EIF4G3: variants seen among roughly 807,000 people sequenced by gnomAD.
EIF4G3 encodes eukaryotic translation initiation factor 4 gamma 3.
Under a neutral mutation model 186.4 loss-of-function variants are expected in EIF4G3, and 34 were observed. The ratio of observed to expected loss-of-function variants is 0.18; its 90% CI spans 0.14 to 0.24. The LOEUF (loss-of-function observed/expected upper bound fraction) is 0.24. Among genes scored for constraint, EIF4G3 ranks in the 10% least tolerant of loss-of-function variants. EIF4G3 has a pLI of 1.00. For synonymous variants in EIF4G3, 673 were observed against 679.5 expected (o/e 0.99, Z 0.15); for missense variants, 1,536 against 1,948.5 (o/e 0.79, Z 3.99).
At chr1:20,856,612 C>CA (rs2074979739) in intron 25 of EIF4G3, among the ~76,000 whole-genome samples, 1 of 150,600 alleles carries the variant, frequency 6.6e-6, no homozygotes, top group Non-Finnish European at 1.5e-5. Flanking sequence ...GGAAAGCAGA[C>CA]AGAGTCTCTT....
intron 4 of EIF4G3, among the ~76,000 whole-genome samples, chr1:21,044,916 G>T (rs1322369697): frequency 6.6e-6 from 1 of 152,078 alleles, no homozygotes; most frequent in Non-Finnish European, 1.5e-5. Context: ...GACTGTATGA[G>T]GCCAGGATTT....
intron 2 of EIF4G3, among the ~76,000 whole-genome samples, chr1:21,097,900 C>T (rs967183151): frequency 1.3e-5 from 2 of 151,664 alleles, no homozygotes; most frequent in African/African-American, 4.8e-5. Context: ...TTGGATTAGG[C>T]CAAGAGTTCC....
intron 18 of EIF4G3, among the ~76,000 whole-genome samples, chr1:20,890,872 T>C (rs954322834): frequency 2.6e-5 from 4 of 152,234 alleles, no homozygotes; most frequent in African/African-American, 9.6e-5. Context: ...ATCTAGGAGA[T>C]AGGCTGGAAG....
At chr1:21,122,034 C>T (rs2096934399) in intron 2 of EIF4G3, among the ~76,000 whole-genome samples, 1 of 152,118 alleles carries the variant, frequency 6.6e-6, no homozygotes, top group Admixed American at 6.6e-5. Context: ...GTTCGCACAC[C>T]TGGTGAGAGT....
At chr1:21,065,631 T>C (rs1392744626) in intron 3 of EIF4G3, among the ~76,000 whole-genome samples, 3 of 152,084 alleles carry the variant, frequency 2.0e-5, no homozygotes, top group Admixed American at 6.6e-5. Context: ...AGACCTAAGT[T>C]TGAATTCTGG....
intron 20 of EIF4G3, among the ~76,000 whole-genome samples, chr1:20,869,960 A>G (rs1000341677): frequency 6.6e-6 from 1 of 152,186 alleles, no homozygotes; most frequent in African/African-American, 2.4e-5. Flanking sequence ...CTATGAACAC[A>G]TCTATCAAAA....
At chr1:20,922,040 AT>A (rs1174305961) in intron 14 of EIF4G3, among the ~76,000 whole-genome samples, 1 of 152,200 alleles carries the variant, frequency 6.6e-6, no homozygotes, top group Non-Finnish European at 1.5e-5. Flanking sequence ...AGCATTTGGT[AT>A]TGGTATTGTC....
At chr1:21,072,467 T>C (rs1295257433) in intron 3 of EIF4G3, among the ~76,000 whole-genome samples, 1 of 152,138 alleles carries the variant, frequency 6.6e-6, no homozygotes, top group East Asian at 1.9e-4. Context: ...GCAGTGGTGC[T>C]ATCTCGGCTC....
chr1:20,970,670 T>A (rs562098825), intron 11 of EIF4G3, among the ~76,000 whole-genome samples: 2 of 150,388 alleles, frequency 1.3e-5, no homozygotes, highest in Non-Finnish European at 3.0e-5. Flanking sequence ...GTAAAAAGAG[T>A]GAGGCAGATC....
At chr1:21,058,745 T>C (rs1249640248) in intron 3 of EIF4G3, among the ~76,000 whole-genome samples, 1 of 87,848 alleles carries the variant, frequency 1.1e-5, no homozygotes, top group Non-Finnish European at 2.5e-5. Context: ...TTTTTTTTTT[T>C]TTTTGTAGAG....
chr1:20,912,101 C>A (rs889683261), intron 14 of EIF4G3, among the ~76,000 whole-genome samples: 1 of 151,964 alleles, frequency 6.6e-6, no homozygotes, highest in Admixed American at 6.6e-5. Context: ...CACAGGGAGA[C>A]CCCATCTCTA....
At chr1:21,031,125 G>A (rs1398869820) in intron 4 of EIF4G3, among the ~76,000 whole-genome samples, 7 of 151,860 alleles carry the variant, frequency 4.6e-5, no homozygotes, top group African/African-American at 7.3e-5. Context: ...GGTGTGGGCC[G>A]CAGTGAGCCA....
chr1:21,067,732 C>G (rs545338606), intron 3 of EIF4G3, among the ~76,000 whole-genome samples: 1 of 152,190 alleles, frequency 6.6e-6, no homozygotes, highest in East Asian at 1.9e-4. Context: ...TCCTAGGAAT[C>G]AGGTTCAAAG....
At chr1:21,169,122 G>A (rs564921603) in intron 2 of EIF4G3, among the ~76,000 whole-genome samples, 2 of 152,154 alleles carry the variant, frequency 1.3e-5, no homozygotes, top group East Asian at 3.9e-4. Context: ...AGTGAGCCAT[G>A]ACCATGCCCT....
intron 2 of EIF4G3, among the ~76,000 whole-genome samples, chr1:21,112,876 G>C (rs1012893356): frequency 6.6e-6 from 1 of 151,966 alleles, no homozygotes; most frequent in Non-Finnish European, 1.5e-5. Flanking sequence ...ATCCAGTATC[G>C]TAAGTCCAAA....
intron 29 of EIF4G3, among the ~76,000 whole-genome samples, chr1:20,846,181 T>C (rs2070936365): frequency 6.6e-6 from 1 of 152,184 alleles, no homozygotes; most frequent in Non-Finnish European, 1.5e-5. Flanking sequence ...CTTAATAAGC[T>C]TTTGGGCTGA....
At chr1:21,107,278 C>G (rs77375650) in intron 2 of EIF4G3, among the ~76,000 whole-genome samples, 9,327 of 152,204 alleles carry the variant, frequency 0.061, 583 homozygotes, top group East Asian at 0.25. Flanking sequence ...TTAATTCAAG[C>G]AATTCTCCTG....
At chr1:20,808,488 T>C (rs540253847) in intron 36 of EIF4G3, among the ~76,000 whole-genome samples, 164 of 151,996 alleles carry the variant, frequency 1.1e-3, no homozygotes, top group African/African-American at 3.8e-3. Context: ...GAGACCATCC[T>C]GGCTAACACA....
intron 20 of EIF4G3, among the ~76,000 whole-genome samples, chr1:20,872,056 T>A (rs1375715528): frequency 1.4e-4 from 22 of 152,086 alleles, no homozygotes; most frequent in Non-Finnish European, 2.8e-4. Context: ...TCCAAATGTG[T>A]CAAATCTTAC....
Sources: gnomAD v4.1 joint callset for allele counts (sites outside exome capture counted in the v4.1 genomes callset) on GRCh38, gnomAD v4.1.1 for gene constraint, MANE v1.5 for transcripts, NCBI Gene and HGNC (gene_info 2026-07-23, HGNC 2026-07-21) for gene names.